CHSY3: variants seen among roughly 807,000 people sequenced by gnomAD.
The protein encoded by CHSY3 is chondroitin sulfate synthase 3.
A neutral mutation model predicts 67.2 loss-of-function variants in CHSY3; 35 were observed. That is an observed-to-expected ratio of 0.52 (90% CI 0.40 to 0.69). The LOEUF is 0.69. CHSY3 is among the 30% of genes least tolerant of loss of function. The pLI, the probability that CHSY3 is intolerant of heterozygous loss-of-function variation, is 0.00. For missense variants in CHSY3, 1,069 were observed against 1,138.5 expected (o/e 0.94, Z 0.88); for synonymous variants, 474 against 434.7 (o/e 1.09, Z -1.12).
chr5:129,905,876 T>TAATGA, intron 1 of CHSY3: 1 of 836,474 alleles, frequency 1.2e-6, no homozygotes, highest in Non-Finnish European at 1.8e-6. Context: ...CACTTGCTGT[T>TAATGA]TTCGGTGCCG....
intron 2 of CHSY3, among the ~76,000 whole-genome samples, chr5:129,976,709 T>C (rs1762817438): frequency 6.6e-6 from 1 of 152,064 alleles, no homozygotes; most frequent in Non-Finnish European, 1.5e-5. Flanking sequence ...GTGTAGGAAC[T>C]GGCTACTCTG....
intron 2 of CHSY3, among the ~76,000 whole-genome samples, chr5:129,987,266 T>A (rs938214982): frequency 6.6e-6 from 1 of 152,180 alleles, no homozygotes. Flanking sequence ...GAAGATTAAA[T>A]GTTATGTTAT....
chr5:130,176,087 A>G (rs1282446248), intron 2 of CHSY3, among the ~76,000 whole-genome samples: 1 of 152,084 alleles, frequency 6.6e-6, no homozygotes, highest in African/African-American at 2.4e-5. Flanking sequence ...GGAGAAAATT[A>G]TTGCAATCTA....
intron 2 of CHSY3, among the ~76,000 whole-genome samples, chr5:130,054,669 C>G (rs1286567169): frequency 6.6e-6 from 1 of 152,110 alleles, no homozygotes; most frequent in African/African-American, 2.4e-5. Flanking sequence ...TTAACACATG[C>G]AGTGCTTTTG....
chr5:130,068,465 C>G (rs1253476814), intron 2 of CHSY3, among the ~76,000 whole-genome samples: 1 of 152,054 alleles, frequency 6.6e-6, no homozygotes, highest in Non-Finnish European at 1.5e-5. Flanking sequence ...TACTACTCCT[C>G]TAAGAACAAC....
intron 2 of CHSY3, among the ~76,000 whole-genome samples, chr5:130,137,390 A>C (rs1161371939): frequency 6.6e-6 from 1 of 152,070 alleles, no homozygotes; most frequent in African/African-American, 2.4e-5. Context: ...TTTCTAACTA[A>C]ATATTCGAAT....
chr5:130,017,592 G>C (rs1005546230), intron 2 of CHSY3, among the ~76,000 whole-genome samples: 4 of 151,850 alleles, frequency 2.6e-5, no homozygotes, highest in African/African-American at 9.7e-5. Context: ...AATTTGACAG[G>C]CTTTTAAAAA....
chr5:130,179,322 T>G (rs1437090573), intron 2 of CHSY3, among the ~76,000 whole-genome samples: 1 of 152,318 alleles, frequency 6.6e-6, no homozygotes, highest in Non-Finnish European at 1.5e-5. Context: ...TTATGTCTTC[T>G]GTTTTATTTT....
chr5:129,981,318 CCAGTACCA>C (rs1762979469), intron 2 of CHSY3, among the ~76,000 whole-genome samples: 2 of 151,838 alleles, frequency 1.3e-5, no homozygotes, highest in African/African-American at 2.4e-5. Context: ...TGTTCTGCTG[CCAGTACCA>C]CACTGTCTTG....
chr5:129,934,074 T>C (rs1205358808), intron 2 of CHSY3, among the ~76,000 whole-genome samples: 1 of 152,158 alleles, frequency 6.6e-6, no homozygotes, highest in African/African-American at 2.4e-5. Flanking sequence ...TGAAATGATA[T>C]TTATTATGTG....
At chr5:129,916,014 G>A (rs999806239) in intron 2 of CHSY3, among the ~76,000 whole-genome samples, 1 of 152,102 alleles carries the variant, frequency 6.6e-6, no homozygotes, top group African/African-American at 2.4e-5. Flanking sequence ...AGAAGCCAGG[G>A]CTACAACTGA....
intron 2 of CHSY3, among the ~76,000 whole-genome samples, chr5:129,935,950 A>G (rs2149591457): frequency 6.6e-6 from 1 of 152,310 alleles, no homozygotes; most frequent in Middle Eastern, 3.4e-3. Flanking sequence ...ACAACCTCTT[A>G]GTTGTTGATT....
chr5:130,119,137 C>G (rs1767921754), intron 2 of CHSY3, among the ~76,000 whole-genome samples: 1 of 152,116 alleles, frequency 6.6e-6, no homozygotes, highest in East Asian at 1.9e-4. Flanking sequence ...TCTCATTGTA[C>G]AGGTAGGGGA....
At chr5:130,118,533 G>A (rs1261683325) in intron 2 of CHSY3, among the ~76,000 whole-genome samples, 1 of 151,830 alleles carries the variant, frequency 6.6e-6, no homozygotes, top group Admixed American at 6.6e-5. Context: ...ACATATGTGT[G>A]TGTATGTGTA....
chr5:130,011,922 T>C (rs1239953657), intron 2 of CHSY3, among the ~76,000 whole-genome samples: 1 of 152,148 alleles, frequency 6.6e-6, no homozygotes, highest in Non-Finnish European at 1.5e-5. Context: ...GAAAGATTTC[T>C]AAACAAGAAT....
intron 2 of CHSY3, among the ~76,000 whole-genome samples, chr5:129,971,217 G>T (rs888687629): frequency 1.3e-5 from 2 of 151,660 alleles, no homozygotes; most frequent in African/African-American, 2.4e-5. Flanking sequence ...ATAATGTAGG[G>T]AGTGTACATT....
intron 2 of CHSY3, among the ~76,000 whole-genome samples, chr5:130,135,710 C>T (rs992204136): frequency 6.6e-6 from 1 of 152,064 alleles, no homozygotes; most frequent in Non-Finnish European, 1.5e-5. Context: ...TCATGTTGAA[C>T]TCATGACTCA....
In CHSY3 at chr5:130,184,564, A is replaced by G. The variant is rs770635866; in HGVS notation, c.1422A>G (p.Leu474=). The G allele has an allele frequency of 7.6e-5, 122 of 1,610,756 alleles. No homozygotes were observed. The change falls in exon 3 of 3, where the codon CTA becomes CTG. Residue 474 remains leucine (L), a synonymous_variant. Transcript: ENST00000305031. ...GGGAGTTCCTGACAGGGAAGCTTCTATACTCAGCAGCTGAGAACCAGCCCC... is the reference window on the plus strand; with the variant it reads ...GGGAGTTCCTGACAGGGAAGCTTCTGTACTCAGCAGCTGAGAACCAGCCCC... ...IEWEFLTGKL[L]YSAAENQPPR...
intron 2 of CHSY3, among the ~76,000 whole-genome samples, chr5:129,934,835 G>T (rs1376590222): frequency 6.6e-6 from 1 of 152,134 alleles, no homozygotes; most frequent in Non-Finnish European, 1.5e-5. Context: ...TTTATTAAAA[G>T]GCGTAGGTCT....
Sources: gnomAD v4.1 joint callset for allele counts (sites outside exome capture counted in the v4.1 genomes callset) on GRCh38, gnomAD v4.1.1 for gene constraint, MANE v1.5 for transcripts, NCBI Gene and HGNC (gene_info 2026-07-23, HGNC 2026-07-21) for gene names.